The following NFASC variants were observed in gnomAD, a reference collection of about 807,000 sequenced individuals.
NFASC encodes the protein neurofascin homolog.
In NFASC, 43 loss-of-function variants were observed where a neutral mutation model predicts 147.5. That is an observed-to-expected ratio of 0.29 (90% confidence interval 0.23 to 0.38). The LOEUF is 0.38. NFASC is among the 10% of genes least tolerant of loss of function. NFASC has a pLI of 1.00. For missense variants in NFASC, 1,320 were observed against 1,689.0 expected (o/e 0.78, Z 3.83); for synonymous variants, 622 against 665.5 (o/e 0.93, Z 1.01).
intron 25 of NFASC, chr1:204,999,085 A>G (rs2095914644): frequency 6.6e-6 from 1 of 152,210 alleles, no homozygotes; most frequent in African/African-American, 2.4e-5. Context: ...TCTCAGGGTG[A>G]AATAGGCCTT....
chr1:204,944,845 G>A (rs1020894143), intron 3 of NFASC: 3 of 160,040 alleles, frequency 1.9e-5, no homozygotes, highest in Non-Finnish European at 2.7e-5. Flanking sequence ...ACACCCTTCG[G>A]GCCCTCTTGG....
At chr1:204,931,540 T>C (rs1312564253) in intron 2 of NFASC, among the ~76,000 whole-genome samples, 1 of 152,272 alleles carries the variant, frequency 6.6e-6, no homozygotes, top group African/African-American at 2.4e-5. Flanking sequence ...AGTACTATTC[T>C]AGTCACTTGA....
intron 2 of NFASC, among the ~76,000 whole-genome samples, chr1:204,931,621 C>G (rs558465954): frequency 2.0e-5 from 3 of 152,206 alleles, no homozygotes; most frequent in Admixed American, 6.5e-5. Flanking sequence ...TATCCCTAGG[C>G]ACTAACTCAT....
intron 1 of NFASC, among the ~76,000 whole-genome samples, chr1:204,887,539 G>C (rs2081523852): frequency 6.9e-6 from 1 of 144,964 alleles, no homozygotes; most frequent in Non-Finnish European, 1.5e-5. Flanking sequence ...GGAATTGCTG[G>C]ATTATGTGGT....
rs561506697 is a variant in NFASC at position 204,881,043 on chromosome 1, A to C, written c.-199-39589A>C. 2.0e-5 allele frequency among the ~76,000 whole-genome samples: 3 copies of C among 152,300 alleles called. No individual in the cohort carries two copies. The South Asian group carries it at 6.2e-4, about 32-fold the overall frequency. ...CCTGGGACTGCAACTCACAAATGTC[A>C]GTTACTATGGATACGGGCAACTGAG... is the stretch of plus-strand genomic sequence containing the variant. On this transcript the variant is annotated intron_variant, in intron 1 of 29. Coordinates refer to ENST00000339876, the MANE Select transcript of NFASC (RefSeq NM_001005388.3).
chr1:204,866,373 T>C (rs2077109358), intron 1 of NFASC, among the ~76,000 whole-genome samples: 1 of 152,142 alleles, frequency 6.6e-6, no homozygotes, highest in Non-Finnish European at 1.5e-5. Context: ...ATGATTCCAG[T>C]GTGGATGGGG....
chr1:204,923,560 A>G (rs577747991), intron 2 of NFASC, among the ~76,000 whole-genome samples: 18 of 152,290 alleles, frequency 1.2e-4, no homozygotes, highest in Admixed American at 1.1e-3. Flanking sequence ...TGCCTGTCAG[A>G]GAGAAGCTGG....
chr1:204,922,150 T>C (rs1573051967), intron 2 of NFASC, among the ~76,000 whole-genome samples: 1 of 152,064 alleles, frequency 6.6e-6, no homozygotes, highest in South Asian at 2.1e-4. Flanking sequence ...CAGAATCGGG[T>C]AGTTAATGCA....
chr1:204,990,109 A>T (rs544439683), intron 23 of NFASC: 2 of 152,400 alleles, frequency 1.3e-5, no homozygotes, highest in Non-Finnish European at 2.9e-5. Context: ...GAGGCAGGAG[A>T]AGAGGGGCCA....
Position 204,975,539 on chromosome 1 carries a change from G to A in NFASC, c.1706+121G>A, listed in dbSNP as rs2095380624. On this transcript the variant is annotated intron_variant, in intron 15 of 29. Coordinates refer to ENST00000339876, the MANE Select transcript of NFASC (RefSeq NM_001005388.3). This position sits in a 1 kb window ranked among gnomAD's most constrained non-coding sequence, Gnocchi z 4.0. Reference sequence around the variant, plus strand: ...AACCCGTGTCATGCATGTCACCAAGGAGCTTCTGCAGAGGGGGTGATGGCC... The same window carrying A: ...AACCCGTGTCATGCATGTCACCAAGAAGCTTCTGCAGAGGGGGTGATGGCC... 1 of 1,356,706 alleles carries A rather than the reference G, an allele frequency of 7.4e-7. No homozygotes were observed. 84.0% of individuals were successfully genotyped at this position (1,356,706 alleles called of 1,614,324 possible). A position where few individuals can be genotyped will look rare whatever the true frequency, so the allele number is the denominator to read the frequency against.
intron 1 of NFASC, among the ~76,000 whole-genome samples, chr1:204,891,207 A>G (rs981074407): frequency 6.6e-6 from 1 of 152,216 alleles, no homozygotes; most frequent in Non-Finnish European, 1.5e-5. Context: ...GTGCAATCCC[A>G]GAGAACAGAA....
intron 27 of NFASC, among the ~76,000 whole-genome samples, chr1:205,005,605 C>T (rs2096089568): frequency 6.6e-6 from 1 of 152,222 alleles, no homozygotes; most frequent in Non-Finnish European, 1.5e-5. Flanking sequence ...ATGGTGTTGA[C>T]AGTCAAATAT....
intron 1 of NFASC, among the ~76,000 whole-genome samples, chr1:204,869,146 G>A (rs868479683): frequency 3.3e-5 from 5 of 152,338 alleles, no homozygotes; most frequent in South Asian, 2.1e-4. Context: ...GGGGCTGGAG[G>A]GAGCCAGGGT....
intron 1 of NFASC, among the ~76,000 whole-genome samples, chr1:204,877,028 A>ATAAT (rs71147719): frequency 2.8e-4 from 24 of 84,552 alleles, no homozygotes; most frequent in Admixed American, 3.1e-4. Context: ...ATATATATAT[A>ATAAT]ATATATATTT....
chr1:204,864,026 T>G (rs2076915474), intron 1 of NFASC, among the ~76,000 whole-genome samples: 1 of 152,136 alleles, frequency 6.6e-6, no homozygotes, highest in East Asian at 1.9e-4. Flanking sequence ...TAACTTCCTA[T>G]TATCTACTCC....
intron 1 of NFASC, among the ~76,000 whole-genome samples, chr1:204,830,818 C>T (rs566076946): frequency 6.6e-6 from 1 of 152,320 alleles, no homozygotes; most frequent in African/African-American, 2.4e-5. Flanking sequence ...GCGTTAAGAG[C>T]GAATTGCAGA....
chr1:205,002,890 T>TATTA (rs2096021198), intron 27 of NFASC, 142 bp downstream of exon 27: 1 of 609,968 alleles, frequency 1.6e-6, no homozygotes. Context: ...TCTCAGCTCT[T>TATTA]ATTATGTATC....
chr1:204,845,654 C>A (rs1308059528), intron 1 of NFASC, among the ~76,000 whole-genome samples: 1 of 152,102 alleles, frequency 6.6e-6, no homozygotes, highest in South Asian at 2.1e-4. Flanking sequence ...ATAATCCCAG[C>A]ACTTTGGGAG....
At chr1:204,919,640 T>G (rs1356713007) in intron 1 of NFASC, among the ~76,000 whole-genome samples, 1 of 152,040 alleles carries the variant, frequency 6.6e-6, no homozygotes, top group Non-Finnish European at 1.5e-5. Flanking sequence ...ACACTTTTTT[T>G]GGGGGGCAGA....
Sources: gnomAD v4.1 joint callset for allele counts (sites outside exome capture counted in the v4.1 genomes callset) on GRCh38, gnomAD v4.1.1 for gene constraint, Gnocchi (gnomAD v3.1) non-coding constraint, MANE v1.5 for transcripts, NCBI Gene and HGNC (gene_info 2026-07-23, HGNC 2026-07-21) for gene names.